The following CNTNAP5 variants were observed in gnomAD, a reference collection of about 807,000 sequenced individuals.
CNTNAP5 encodes the protein contactin associated protein family member 5.
In CNTNAP5, 72 loss-of-function variants were observed where a neutral mutation model predicts 150.2. That is an observed-to-expected ratio of 0.48 (90% CI 0.40 to 0.58). The LOEUF (loss-of-function observed/expected upper bound fraction) is 0.58, where lower values mean the gene tolerates loss of function less well. Among genes scored for constraint, CNTNAP5 ranks in the 20% least tolerant of loss-of-function variants. The probability of loss-of-function intolerance (pLI) is 0.00; values close to 1 mark genes in which losing one functional copy is unlikely to be tolerated. For missense variants in CNTNAP5, 1,636 were observed against 1,626.2 expected (o/e 1.01, Z -0.10); for synonymous variants, 672 against 619.8 (o/e 1.08, Z -1.25).
chr2:124,515,731 G>T (rs919219030), intron 8 of CNTNAP5, among the ~76,000 whole-genome samples: 15 of 152,196 alleles, frequency 9.9e-5, no homozygotes, highest in African/African-American at 2.7e-4. Context: ...CAGAGGCTGG[G>T]TATGGAAGCC....
At chr2:124,785,058 C>G (rs75037445) in intron 17 of CNTNAP5, among the ~76,000 whole-genome samples, 7 of 120,432 alleles carry the variant, frequency 5.8e-5, no homozygotes, top group South Asian at 2.6e-4. Flanking sequence ...AAAAAAAAAA[C>G]AAAAGAAAAA....
intron 10 of CNTNAP5, among the ~76,000 whole-genome samples, chr2:124,551,951 G>T (rs372669675): frequency 6.1e-4 from 93 of 152,168 alleles, no homozygotes; most frequent in South Asian, 3.5e-3. Context: ...TTTAAGAGGG[G>T]TAGGCATGTG....
chr2:124,188,080 A>G (rs548595661), intron 1 of CNTNAP5, among the ~76,000 whole-genome samples: 1 of 152,256 alleles, frequency 6.6e-6, no homozygotes, highest in African/African-American at 2.4e-5. Flanking sequence ...TGGTCTTCTG[A>G]GCAGAACTGC....
intron 12 of CNTNAP5, among the ~76,000 whole-genome samples, chr2:124,620,914 G>C (rs1422238476): frequency 2.6e-5 from 4 of 152,090 alleles, no homozygotes; most frequent in Admixed American, 2.0e-4. Context: ...AGTCATTCTA[G>C]TCATGAAAGA....
chr2:124,136,622 C>T (rs74922734), intron 1 of CNTNAP5, among the ~76,000 whole-genome samples: 7,721 of 152,170 alleles, frequency 0.051, 291 homozygotes, highest in South Asian at 0.16. Flanking sequence ...AGGTACTTGA[C>T]GTACAGTTTC....
At chr2:124,117,531 G>A (rs1048245361) in intron 1 of CNTNAP5, among the ~76,000 whole-genome samples, 5 of 151,948 alleles carry the variant, frequency 3.3e-5, no homozygotes, top group African/African-American at 1.2e-4. Flanking sequence ...AGTTAGGTTG[G>A]GAAACGAAGG....
chr2:124,574,309 C>T (rs1054304992), intron 11 of CNTNAP5, among the ~76,000 whole-genome samples: 8 of 152,262 alleles, frequency 5.3e-5, no homozygotes, highest in East Asian at 1.9e-4. Context: ...GTGGATTATA[C>T]GTGGATTATA....
At chr2:124,689,564 C>T (rs1367145936) in intron 13 of CNTNAP5, among the ~76,000 whole-genome samples, 21 of 151,900 alleles carry the variant, frequency 1.4e-4, no homozygotes, top group Admixed American at 1.1e-3. Flanking sequence ...TATGTGTGCA[C>T]GTGTGTGGAT....
chr2:124,031,888 C>T (rs957636457), intron 1 of CNTNAP5, among the ~76,000 whole-genome samples: 2 of 152,126 alleles, frequency 1.3e-5, no homozygotes, highest in African/African-American at 4.8e-5. Context: ...ACCCTGATAA[C>T]ATGATTCCAT....
At chr2:124,287,805 T>C (rs139501711) in intron 3 of CNTNAP5, among the ~76,000 whole-genome samples, 79 of 152,308 alleles carry the variant, frequency 5.2e-4, no homozygotes, top group African/African-American at 1.8e-3. Flanking sequence ...GTTTTATTTT[T>C]AAGTGAAAAA....
chr2:124,212,744 C>T lies in CNTNAP5; in HGVS notation c.83-8961C>T, dbSNP rs186066380. Among the ~76,000 whole-genome samples the T allele has an allele frequency of 2.0e-5, 3 of 150,356 alleles. No individual in the cohort carries two copies. The East Asian group carries it at 5.9e-4, about 30-fold the overall frequency. On this transcript the variant is annotated intron_variant, in intron 1 of 23. Coordinates refer to ENST00000682447, the MANE Select transcript of CNTNAP5 (RefSeq NM_001367498.1). ...TCACTTACTCCTGAACTTGGTCTTA[C>T]GTTTTGATTCTTTGACCAACTTTCA...
At chr2:124,606,545 A>T (rs1016186257) in intron 11 of CNTNAP5, among the ~76,000 whole-genome samples, 1 of 152,184 alleles carries the variant, frequency 6.6e-6, no homozygotes, top group Admixed American at 6.6e-5. Flanking sequence ...TCAGGTATAC[A>T]AAAACTGTAT....
At chr2:124,319,799 G>T (rs747650590) in intron 3 of CNTNAP5, among the ~76,000 whole-genome samples, 16 of 152,062 alleles carry the variant, frequency 1.1e-4, no homozygotes, top group Non-Finnish European at 1.9e-4. Context: ...AAAGGAAGGG[G>T]GTTGGGAAGG....
At chr2:124,121,010 A>G (rs1683547292) in intron 1 of CNTNAP5, among the ~76,000 whole-genome samples, 1 of 151,998 alleles carries the variant, frequency 6.6e-6, no homozygotes, top group African/African-American at 2.4e-5. Context: ...TGCCATAATA[A>G]CTGTTCATCT....
At position 124,713,372 on chromosome 2, in the gene CNTNAP5, T is replaced by TTTC. The variant is rs1553434536; in HGVS notation, c.2078-33854_2078-33852dup. Among the ~76,000 whole-genome samples the TTTC allele has an allele frequency of 5.1e-5, 7 of 137,088 alleles. No individual in the cohort carries two copies. In the East Asian group the frequency reaches 1.7e-3, roughly 33 times the overall value. 89.9% of individuals were successfully genotyped at this position (137,088 alleles called of 152,430 possible). A position where few individuals can be genotyped will look rare whatever the true frequency, so the allele number is the denominator to read the frequency against. On this transcript the variant is annotated intron_variant, in intron 13 of 23. Transcript: ENST00000682447. ...CTTTCTTTCTTTCTTTCTTTCTTTC[T>TTTC]TTCTTTCTTCTCCCTCTTTTTTTGA...
Position 124,489,457 on chromosome 2 carries a change from T to G in CNTNAP5, c.1062+14575T>G, listed in dbSNP as rs115558749. ...TAGAGTCTATCCTAACAGTCTCATT[T>G]TAATTTATTCACTTCATGAAGTGTA... On this transcript the variant is annotated intron_variant, in intron 7 of 23. Coordinates refer to ENST00000682447, the MANE Select transcript of CNTNAP5 (RefSeq NM_001367498.1). Among the ~76,000 whole-genome samples, 1,156 of 152,288 alleles carry G rather than the reference T, an allele frequency of 7.6e-3. 8 individuals carry two copies. The highest frequency in any genetic ancestry group is 0.024 in the Middle Eastern group (7 of 294).
chr2:124,112,089 C>G (rs1358387070), intron 1 of CNTNAP5, among the ~76,000 whole-genome samples: 1 of 152,150 alleles, frequency 6.6e-6, no homozygotes, highest in Non-Finnish European at 1.5e-5. Context: ...TTTGAAACTC[C>G]CTGAAGGCAA....
chr2:124,667,604 A>G (rs1251432362), intron 13 of CNTNAP5, among the ~76,000 whole-genome samples: 2 of 152,198 alleles, frequency 1.3e-5, no homozygotes, highest in Non-Finnish European at 2.9e-5. Context: ...GCCTGAATAC[A>G]CAGTTTACCT....
chr2:124,920,909 C>G lies in CNTNAP5; in HGVS notation c.*6621C>G, dbSNP rs533833358. On this transcript the variant is annotated 3_prime_UTR_variant, in exon 24 of 24. Coordinates refer to ENST00000682447, the MANE Select transcript of CNTNAP5 (RefSeq NM_001367498.1). ...AGAATACCCTCCCCACAAAAATACA[C>G]ATATGTCAGACTCTTTATTATGGTA... 6.6e-6 allele frequency among the ~76,000 whole-genome samples: 1 copy of G among 152,218 alleles called. No homozygotes were observed. Among genetic ancestry groups the G allele is most frequent in the Admixed American group, 6.5e-5 (1 of 15,282 alleles).
Sources: gnomAD v4.1 joint callset for allele counts (sites outside exome capture counted in the v4.1 genomes callset) on GRCh38, gnomAD v4.1.1 for gene constraint, MANE v1.5 for transcripts, NCBI Gene and HGNC (gene_info 2026-07-23, HGNC 2026-07-21) for gene names.